Variants in SEM1 observed in about 807,000 individuals in gnomAD.
The protein encoded by SEM1 is 26S proteasome complex subunit SEM1.
Under a neutral mutation model 12.7 loss-of-function variants are expected in SEM1, and 3 were observed. The ratio of observed to expected loss-of-function variants is 0.24; its 90% CI spans 0.11 to 0.61. The LOEUF (loss-of-function observed/expected upper bound fraction) is 0.61. SEM1 is among the 20% of genes least tolerant of loss of function. The pLI, the probability that SEM1 is intolerant of heterozygous loss-of-function variation, is 0.88. For synonymous variants in SEM1, 30 were observed against 27.8 expected (o/e 1.08, Z -0.25); for missense variants, 59 against 81.3 (o/e 0.73, Z 1.06).
intron 2 of SEM1, among the ~76,000 whole-genome samples, chr7:96,514,723 G>A (rs1408566175): frequency 6.6e-6 from 1 of 151,410 alleles, no homozygotes; most frequent in Non-Finnish European, 1.5e-5. Flanking sequence ...AGATTTATAT[G>A]AGAAAAACTA....
chr7:96,484,054 T>A, intron 3 of SEM1: 1 of 1,366,472 alleles, frequency 7.3e-7, no homozygotes, highest in Admixed American at 2.7e-5. Context: ...GCATATTAAC[T>A]TATTCAATCT....
chr7:96,561,919 G>T (rs1805700233), intron 2 of SEM1, among the ~76,000 whole-genome samples: 1 of 152,126 alleles, frequency 6.6e-6, no homozygotes, highest in Middle Eastern at 3.2e-3. Context: ...TAGAGTATTT[G>T]TGGTATTATT....
chr7:96,684,348 C>T (rs12533696), downstream of SEM1, among the ~76,000 whole-genome samples: 3,382 of 151,994 alleles, frequency 0.022, 66 homozygotes, highest in Admixed American at 0.036. Flanking sequence ...GTACGGGGCA[C>T]GGGATTACTA....
intron 2 of SEM1, among the ~76,000 whole-genome samples, chr7:96,557,267 C>T (rs1805542596): frequency 6.8e-6 from 1 of 147,508 alleles, no homozygotes; most frequent in South Asian, 2.2e-4. Context: ...GAGAAGCGCT[C>T]TGCTTTTTAG....
chr7:96,632,247 A>G (rs1808284991), intron 2 of SEM1, among the ~76,000 whole-genome samples: 2 of 152,216 alleles, frequency 1.3e-5, no homozygotes, highest in South Asian at 2.1e-4. Context: ...ATAAAGACAC[A>G]TGCACACATA....
intron 2 of SEM1, chr7:96,649,616 A>G (rs1442075085): frequency 6.6e-6 from 1 of 152,336 alleles, no homozygotes; most frequent in Admixed American, 6.5e-5. Context: ...ATATGAAGTC[A>G]TGGAACACAT....
chr7:96,705,214 GCTC>G (rs545529726), intron 1 of SEM1, among the ~76,000 whole-genome samples: 153 of 152,214 alleles, frequency 1.0e-3, no homozygotes, highest in African/African-American at 3.6e-3. Flanking sequence ...GTAGTATTCT[GCTC>G]CTGATTTCTT....
intron 2 of SEM1, among the ~76,000 whole-genome samples, chr7:96,663,886 CA>C (rs1789085179): frequency 6.6e-6 from 1 of 151,954 alleles, no homozygotes; most frequent in Non-Finnish European, 1.5e-5. Flanking sequence ...ATATATAGTC[CA>C]AAAGTATATG....
chr7:96,503,888 A>G (rs930595608), intron 3 of SEM1, among the ~76,000 whole-genome samples: 1 of 152,086 alleles, frequency 6.6e-6, no homozygotes, highest in Non-Finnish European at 1.5e-5. Flanking sequence ...CACAGATACA[A>G]CCCAGATACT....
intron 2 of SEM1, among the ~76,000 whole-genome samples, chr7:96,629,593 T>C (rs1303796350): frequency 6.6e-6 from 1 of 152,184 alleles, no homozygotes; most frequent in African/African-American, 2.4e-5. Flanking sequence ...TTGAATTCTC[T>C]GTCTGAAAGG....
intron 3 of SEM1, among the ~76,000 whole-genome samples, chr7:96,502,355 G>A (rs1313845677): frequency 1.3e-5 from 2 of 152,018 alleles, no homozygotes; most frequent in Non-Finnish European, 2.9e-5. Flanking sequence ...CTTTAAACAA[G>A]GCCTTTGTTC....
chr7:96,488,965 G>T (rs1009079653), intron 1 of SEM1, among the ~76,000 whole-genome samples: 2 of 152,048 alleles, frequency 1.3e-5, no homozygotes, highest in African/African-American at 2.4e-5. Flanking sequence ...CTGCCTGCTG[G>T]GATGTGCGTA....
At chr7:96,604,169 T>C (rs1353112177) in intron 2 of SEM1, among the ~76,000 whole-genome samples, 1 of 152,156 alleles carries the variant, frequency 6.6e-6, no homozygotes, top group Non-Finnish European at 1.5e-5. Context: ...CTATTGACCA[T>C]TCTGCACTTT....
intron 2 of SEM1, among the ~76,000 whole-genome samples, chr7:96,543,621 A>T (rs1414341742): frequency 7.2e-5 from 11 of 151,960 alleles, no homozygotes; most frequent in Non-Finnish European, 1.6e-4. Context: ...TTTTTTCTAA[A>T]TATAGTAGTT....
At chr7:96,670,843 C>T (rs1789296036), downstream of SEM1, among the ~76,000 whole-genome samples, 1 of 152,130 alleles carries the variant, frequency 6.6e-6, no homozygotes, top group East Asian at 1.9e-4. Flanking sequence ...CTGTAGAGTA[C>T]AAACCTAGCA....
intron 2 of SEM1, among the ~76,000 whole-genome samples, chr7:96,551,705 C>CAAAAAA (rs56316029): frequency 2.4e-5 from 2 of 84,064 alleles, no homozygotes; most frequent in Non-Finnish European, 4.7e-5. Context: ...GACTCTGTCT[C>CAAAAAA]AAAAAAAAAA....
intron 2 of SEM1, among the ~76,000 whole-genome samples, chr7:96,596,674 A>G (rs1015391873): frequency 3.9e-5 from 6 of 152,178 alleles, no homozygotes; most frequent in African/African-American, 1.2e-4. Flanking sequence ...AATGGGCTCT[A>G]GAAACACATG....
At chr7:96,698,150 AT>A (rs2115930275) in intron 1 of SEM1, among the ~76,000 whole-genome samples, 1 of 152,222 alleles carries the variant, frequency 6.6e-6, no homozygotes, top group Admixed American at 6.5e-5. Flanking sequence ...CTATTCTTAC[AT>A]TTTTTAAAAA....
At chr7:96,602,387 TAA>T (rs1807222477) in intron 2 of SEM1, among the ~76,000 whole-genome samples, 1 of 152,218 alleles carries the variant, frequency 6.6e-6, no homozygotes, top group African/African-American at 2.4e-5. Context: ...TGGGGCTGAA[TAA>T]TTGATTTGTA....
Sources: allele counts gnomAD v4.1 joint callset (sites outside exome capture counted in the v4.1 genomes callset), GRCh38; gene constraint gnomAD v4.1.1; transcripts MANE v1.5; gene names NCBI Gene and HGNC (gene_info 2026-07-23, HGNC 2026-07-21).